Variants in SYNPR observed in about 807,000 individuals in gnomAD.
SYNPR encodes the protein synaptoporin.
A neutral mutation model predicts 32.9 loss-of-function variants in SYNPR; 23 were observed. The ratio of observed to expected loss-of-function variants is 0.70; its 90% CI spans 0.50 to 0.99. The LOEUF (loss-of-function observed/expected upper bound fraction) is 0.99, where lower values mean the gene tolerates loss of function less well. Ranked by LOEUF, SYNPR falls within the 50% of genes least tolerant of loss-of-function variation. The probability of loss-of-function intolerance (pLI) is 0.00; values close to 1 mark genes in which losing one functional copy is unlikely to be tolerated. For synonymous variants in SYNPR, 146 were observed against 135.9 expected (o/e 1.07, Z -0.52); for missense variants, 318 against 349.3 (o/e 0.91, Z 0.71).
At chr3:63,218,240 A>T in the SYNPR span, among the ~76,000 whole-genome samples, 3 of 152,238 alleles carry the variant, frequency 2.0e-5, no homozygotes, top group African/African-American at 7.2e-5. Flanking sequence ...TATAAATGAT[A>T]TATTAGTTGA....
At chr3:63,312,178 T>C (rs1301167472) in intron 2 of SYNPR, among the ~76,000 whole-genome samples, 1 of 151,994 alleles carries the variant, frequency 6.6e-6, no homozygotes, top group Non-Finnish European at 1.5e-5. Flanking sequence ...CACTCAACCC[T>C]TAAGTAGCTA....
intron 2 of SYNPR, among the ~76,000 whole-genome samples, chr3:63,300,249 A>C (rs1024841208): frequency 6.6e-6 from 1 of 152,068 alleles, no homozygotes; most frequent in Non-Finnish European, 1.5e-5. Context: ...TTGGCTTTTT[A>C]TAAAATTTAT....
intron 2 of SYNPR, among the ~76,000 whole-genome samples, chr3:63,432,381 A>G (rs1476739735): frequency 1.3e-5 from 2 of 152,180 alleles, no homozygotes; most frequent in Non-Finnish European, 2.9e-5. Flanking sequence ...ATGAACTGAC[A>G]TGGAAAAGAT....
intron 3 of SYNPR, 145 bp from the exon 4 acceptor site, chr3:63,556,398 G>A: frequency 1.6e-6 from 1 of 626,304 alleles, no homozygotes; most frequent in South Asian, 2.6e-5. Context: ...TATAATGTCT[G>A]TAAATTTCTT....
chr3:63,533,013 T>G (rs1702137969), intron 3 of SYNPR, among the ~76,000 whole-genome samples: 1 of 152,190 alleles, frequency 6.6e-6, no homozygotes, highest in Non-Finnish European at 1.5e-5. Flanking sequence ...ATCTCTCGCC[T>G]TTGTGTTCCC....
At chr3:63,356,512 C>G (rs1375889864) in intron 2 of SYNPR, among the ~76,000 whole-genome samples, 2 of 152,242 alleles carry the variant, frequency 1.3e-5, no homozygotes, top group East Asian at 3.8e-4. Context: ...GGGAATAAAA[C>G]AGAGAGACAG....
chr3:63,577,492 G>A (rs1703004931), intron 4 of SYNPR, among the ~76,000 whole-genome samples: 1 of 152,070 alleles, frequency 6.6e-6, no homozygotes, highest in Admixed American at 6.6e-5. Flanking sequence ...GGAGGGACAG[G>A]AGAAGGTCAA....
At chr3:63,266,076 C>T (rs1241155164) in intron 2 of SYNPR, among the ~76,000 whole-genome samples, 1 of 152,128 alleles carries the variant, frequency 6.6e-6, no homozygotes, top group Non-Finnish European at 1.5e-5. Context: ...CCAAAGTTCA[C>T]AGATGCTGCA....
intron 2 of SYNPR, chr3:63,451,995 A>G (rs1700387293): frequency 3.0e-6 from 2 of 673,928 alleles, no homozygotes; most frequent in Non-Finnish European, 5.4e-6. Context: ...TTTGGAAGAC[A>G]CCCTCCTTTC....
intron 2 of SYNPR, among the ~76,000 whole-genome samples, chr3:63,470,948 C>T (rs1700783677): frequency 6.6e-6 from 1 of 152,204 alleles, no homozygotes; most frequent in East Asian, 1.9e-4. Context: ...CTGTTATCTA[C>T]AGCCAAATAT....
At chr3:63,267,057 A>T (rs1321170705) in intron 2 of SYNPR, among the ~76,000 whole-genome samples, 4 of 152,146 alleles carry the variant, frequency 2.6e-5, no homozygotes, top group African/African-American at 7.2e-5. Context: ...TTAAGAACTG[A>T]TGTGCAAAGT....
intron 3 of SYNPR, among the ~76,000 whole-genome samples, chr3:63,526,019 A>G (rs1299823182): frequency 1.3e-5 from 2 of 152,162 alleles, no homozygotes; most frequent in East Asian, 1.9e-4. Flanking sequence ...GTGCTTAGAG[A>G]GCACATGGCA....
chr3:63,300,646 T>C (rs1170803549), intron 2 of SYNPR, among the ~76,000 whole-genome samples: 1 of 151,998 alleles, frequency 6.6e-6, no homozygotes, highest in South Asian at 2.1e-4. Context: ...GCCCCAGGGG[T>C]AGCCCATAGC....
chr3:63,270,449 A>G (rs72878299), intron 3 of SYNPR, among the ~76,000 whole-genome samples: 4,611 of 152,298 alleles, frequency 0.03, 255 homozygotes, highest in African/African-American at 0.1. Flanking sequence ...AGGGACATAC[A>G]CCGATTGAGA....
chr3:63,465,514 ATC>A (rs140443811), intron 2 of SYNPR, among the ~76,000 whole-genome samples: 2,119 of 152,222 alleles, frequency 0.014, 43 homozygotes, highest in African/African-American at 0.048. Flanking sequence ...TTGCTTAATA[ATC>A]TGATCTTAAT....
At position 63,499,769 on chromosome 3, in the gene SYNPR, TA is replaced by T. The variant is rs529273015; in HGVS notation, c.209+18816del. The stretch of plus-strand genomic sequence containing the variant: ...AATACCCTCATTTCTTGATGTAACC[TA>T]AATGGGTCTCTGTTTCTTTCTAATA... On this transcript the variant is annotated intron_variant, in intron 3 of 5. Transcript: ENST00000478300. Among the ~76,000 whole-genome samples the T allele has an allele frequency of 8.0e-4, 122 of 152,264 alleles. 2 individuals are homozygous for T. In the Middle Eastern group the frequency reaches 0.027, roughly 34 times the overall value.
At chr3:63,365,718 C>T (rs370276081) in intron 2 of SYNPR, among the ~76,000 whole-genome samples, 1 of 152,036 alleles carries the variant, frequency 6.6e-6, no homozygotes, top group African/African-American at 2.4e-5. Context: ...AGAAAGGACC[C>T]GTATTTATTC....
intron 3 of SYNPR, among the ~76,000 whole-genome samples, chr3:63,497,692 A>G (rs746492618): frequency 7.9e-5 from 12 of 152,112 alleles, no homozygotes; most frequent in Non-Finnish European, 1.3e-4. Flanking sequence ...TTCTTTAAAG[A>G]CTGATAAAGC....
At chr3:63,607,317 A>T (rs541382280) in intron 4 of SYNPR, among the ~76,000 whole-genome samples, 19 of 152,342 alleles carry the variant, frequency 1.2e-4, no homozygotes, top group African/African-American at 4.3e-4. Context: ...AAGGTACCAG[A>T]TTGAACATGA....
Sources: allele counts gnomAD v4.1 joint callset (sites outside exome capture counted in the v4.1 genomes callset), GRCh38; gene constraint gnomAD v4.1.1; transcripts MANE v1.5; gene names NCBI Gene and HGNC (gene_info 2026-07-23, HGNC 2026-07-21).